Variants in PTPN13 observed in about 807,000 individuals in gnomAD.
The protein encoded by PTPN13 is tyrosine-protein phosphatase non-receptor type 13.
PTPN13 carries 191 observed loss-of-function variants against 284.0 expected under a neutral mutation model. The observed-to-expected ratio is 0.67, with a 90% CI of 0.60 to 0.76. The LOEUF (loss-of-function observed/expected upper bound fraction) is 0.76. Among genes scored for constraint, PTPN13 ranks in the 30% least tolerant of loss-of-function variants. The pLI, the probability that PTPN13 is intolerant of heterozygous loss-of-function variation, is 0.00. For missense variants in PTPN13, 2,797 were observed against 2,939.9 expected (o/e 0.95, Z 1.12); for synonymous variants, 986 against 1,022.3 (o/e 0.96, Z 0.68).
chr4:86,785,133 A>G (rs763034347), intron 38 of PTPN13, 98 bp from the exon 39 acceptor site: 38 of 927,238 alleles, frequency 4.1e-5, no homozygotes, highest in Non-Finnish European at 5.8e-5. Flanking sequence ...TGGTTGCTTA[A>G]AATTTGAAAG....
chr4:86,752,417 C>T, intron 19 of PTPN13, among the ~76,000 whole-genome samples: 1 of 152,100 alleles, frequency 6.6e-6, no homozygotes, highest in East Asian at 1.9e-4. Context: ...AATTTAATTT[C>T]AGTCAGTTAA....
chr4:86,783,817 G>A (rs1236483934), intron 37 of PTPN13, among the ~76,000 whole-genome samples: 1 of 151,232 alleles, frequency 6.6e-6, no homozygotes. Flanking sequence ...TCTTTTGATA[G>A]GCTATGCTCC....
chr4:86,629,759 C>T (rs1035910343), intron 1 of PTPN13, among the ~76,000 whole-genome samples: 3 of 151,634 alleles, frequency 2.0e-5, no homozygotes, highest in African/African-American at 7.3e-5. Context: ...ATTCTAAAAC[C>T]TATGTCTTAC....
chr4:86,675,919 T>G (rs1369435703), intron 3 of PTPN13, among the ~76,000 whole-genome samples: 1 of 152,222 alleles, frequency 6.6e-6, no homozygotes, highest in East Asian at 1.9e-4. Context: ...AGATTTGTAC[T>G]ATGTCTCTGA....
chr4:86,733,980 A>G (rs543527143), intron 12 of PTPN13, among the ~76,000 whole-genome samples: 28 of 152,314 alleles, frequency 1.8e-4, no homozygotes, highest in Admixed American at 1.6e-3. Context: ...AAGAATTCCC[A>G]CTAGCCTGAT....
Position 86,635,142 on chromosome 4 carries a change from A to G in PTPN13, c.-5-110A>G, listed in dbSNP as rs1209086946. ...TTTAGATTGGTAGCCATATTGAGAA[A>G]TTAGGTAGACAGGGGGCTTATAGTC... On this transcript the variant is annotated intron_variant, in intron 1 of 47. Transcript: ENST00000411767. The G allele has an allele frequency of 3.4e-6, 4 of 1,176,730 alleles. No homozygotes were observed. In the Admixed American group the frequency reaches 7.9e-5, roughly 23 times the overall value. The allele number at this position is 1,176,730 out of a possible 1,614,324, so 72.9% of individuals were successfully genotyped here. A position where few individuals can be genotyped will look rare whatever the true frequency, so the allele number is the denominator to read the frequency against.
At chr4:86,740,595 A>G (rs1463483858) in intron 15 of PTPN13, among the ~76,000 whole-genome samples, 2 of 152,174 alleles carry the variant, frequency 1.3e-5, no homozygotes, top group Non-Finnish European at 2.9e-5. Flanking sequence ...GGTCTCTGAC[A>G]TGCCCTGGAA....
intron 35 of PTPN13, among the ~76,000 whole-genome samples, 185 bp from the exon 36 acceptor site, chr4:86,780,217 G>GA (rs1741138077): frequency 6.6e-6 from 1 of 151,996 alleles, no homozygotes; most frequent in African/African-American, 2.4e-5. Context: ...TGGGCAACAT[G>GA]AAAAAACCCC....
chr4:86,735,578 A>G lies in PTPN13; in HGVS notation c.2152-16A>G. 1 of 1,601,126 alleles carries G rather than the reference A, an allele frequency of 6.2e-7. No individual in the cohort carries two copies. Among genetic ancestry groups the G allele is most frequent in the Non-Finnish European group, 8.5e-7 (1 of 1,176,986 alleles). ...AAAAGGCAAACAATTGCTTATGAAAACATTCTTTTATCTAGGTTCATGGTG... is the reference window on the plus strand; with the variant it reads ...AAAAGGCAAACAATTGCTTATGAAAGCATTCTTTTATCTAGGTTCATGGTG... On this transcript the variant is annotated splice_polypyrimidine_tract_variant and intron_variant, in intron 14 of 47. Transcript: ENST00000411767.
At position 86,639,476 on chromosome 4, in the gene PTPN13, A is replaced by G. The variant is rs1451186214; in HGVS notation, c.115+4105A>G. Among the ~76,000 whole-genome samples the G allele has an allele frequency of 7.2e-5, 11 of 152,220 alleles. No individual in the cohort carries two copies. In the East Asian group the frequency reaches 2.1e-3, roughly 29 times the overall value. On this transcript the variant is annotated intron_variant, in intron 2 of 47. Coordinates refer to ENST00000411767, the MANE Select transcript of PTPN13 (RefSeq NM_080683.3). ...GATTAAGAAAATGTGGCACATATAC[A>G]CCATGGAATACTATGCAGCCATAAA...
At chr4:86,718,455 C>CTTTTTTTTTTTTTTTTT (rs796389778) in intron 9 of PTPN13, among the ~76,000 whole-genome samples, 9 of 140,162 alleles carry the variant, frequency 6.4e-5, no homozygotes, top group South Asian at 2.2e-4. Context: ...TAATGGTCCA[C>CTTTTTTTTTTTTTTTTT]TTTTTTTTTT....
chr4:86,659,602 T>G (rs1026825908), intron 2 of PTPN13, among the ~76,000 whole-genome samples: 1 of 152,042 alleles, frequency 6.6e-6, no homozygotes, highest in Non-Finnish European at 1.5e-5. Context: ...GATCACTTGA[T>G]GTCAGGAGTT....
chr4:86,671,934 T>C (rs1458782761), intron 2 of PTPN13, among the ~76,000 whole-genome samples: 5 of 152,234 alleles, frequency 3.3e-5, no homozygotes, highest in Non-Finnish European at 7.4e-5. Flanking sequence ...CAGAGCTTTA[T>C]ATTTATGGGC....
chr4:86,666,469 C>A (rs1727093142), intron 2 of PTPN13, among the ~76,000 whole-genome samples: 1 of 152,128 alleles, frequency 6.6e-6, no homozygotes, highest in African/African-American at 2.4e-5. Flanking sequence ...GTGGTATAGA[C>A]TTAAAATGGG....
At chr4:86,689,544 G>A (rs1480934479) in intron 5 of PTPN13, 2 of 641,760 alleles carry the variant, frequency 3.1e-6, no homozygotes, top group Non-Finnish European at 5.6e-6. Flanking sequence ...ATGAAAATGG[G>A]TTTTAGAAAT....
At chr4:86,721,651 C>T (rs2149087930) in intron 9 of PTPN13, among the ~76,000 whole-genome samples, 1 of 151,836 alleles carries the variant, frequency 6.6e-6, no homozygotes, top group Admixed American at 6.6e-5. Flanking sequence ...GAACTGGGGA[C>T]AAAGATCATA....
chr4:86,686,681 A>T, intron 3 of PTPN13, 29 bp from the exon 4 acceptor site: 1 of 1,400,368 alleles, frequency 7.1e-7, no homozygotes, highest in South Asian at 1.3e-5. Flanking sequence ...TTTTATCATA[A>T]AATTATTTCT....
At position 86,734,352 on chromosome 4, in the gene PTPN13, C is replaced by A; in HGVS notation, c.1908C>A (p.Ala636=). 1 of 1,557,058 alleles carries A rather than the reference C, an allele frequency of 6.4e-7. No homozygotes were observed. The highest frequency in any genetic ancestry group is 8.7e-7 in the Non-Finnish European group (1 of 1,148,092). ...CTGACTTAAAATTAACCAAAGTGGC[C>A]CCAGAGGGATGGAAAGAAGAACCAA... The part of the protein sequence containing the change: ...VDPDLKLTKV[A]PEGWKEEPKK... Residue 636 remains alanine, a synonymous_variant, in exon 13 of 48, where the codon GCC becomes GCA. Coordinates refer to ENST00000411767, the MANE Select transcript of PTPN13 (RefSeq NM_080683.3).
intron 7 of PTPN13, among the ~76,000 whole-genome samples, chr4:86,714,336 T>C (rs752974720): frequency 1.4e-4 from 22 of 152,306 alleles, no homozygotes; most frequent in Middle Eastern, 3.4e-3. Flanking sequence ...TTCCCTTGTC[T>C]GTTAGTTACC....
Sources: gnomAD v4.1 joint callset for allele counts (sites outside exome capture counted in the v4.1 genomes callset) on GRCh38, gnomAD v4.1.1 for gene constraint, MANE v1.5 for transcripts, NCBI Gene and HGNC (gene_info 2026-07-23, HGNC 2026-07-21) for gene names.